Variants in FAM219A observed in about 807,000 individuals in gnomAD.
FAM219A encodes the protein family with sequence similarity 219 member A.
FAM219A carries 7 observed loss-of-function variants against 23.4 expected under a neutral mutation model. That is an observed-to-expected ratio of 0.30 (90% CI 0.17 to 0.56). FAM219A has a LOEUF of 0.56. Ranked by LOEUF, FAM219A falls within the 20% of genes least tolerant of loss-of-function variation. The pLI, the probability that FAM219A is intolerant of heterozygous loss-of-function variation, is 0.92. For synonymous variants in FAM219A, 93 were observed against 99.0 expected (o/e 0.94, Z 0.36); for missense variants, 166 against 246.9 (o/e 0.67, Z 2.20).
chr9:34,454,588 C>G (rs1265324199), intron 1 of FAM219A, among the ~76,000 whole-genome samples: 3 of 152,140 alleles, frequency 2.0e-5, no homozygotes, highest in South Asian at 4.2e-4. Flanking sequence ...CAGGCAAACT[C>G]CCACCAGAGA....
intron 2 of FAM219A, among the ~76,000 whole-genome samples, chr9:34,403,678 G>C (rs1264063966): frequency 1.3e-5 from 2 of 152,200 alleles, no homozygotes; most frequent in Non-Finnish European, 2.9e-5. Flanking sequence ...GGTCTTGGAG[G>C]AGTCCCATCT....
chr9:34,407,619 G>C (rs1821684782), intron 1 of FAM219A, among the ~76,000 whole-genome samples: 1 of 152,214 alleles, frequency 6.6e-6, no homozygotes, highest in Non-Finnish European at 1.5e-5. Context: ...TGGAGTTAAA[G>C]ACAGGCCCTC....
At chr9:34,431,018 T>C (rs1463822268) in intron 1 of FAM219A, among the ~76,000 whole-genome samples, 2 of 152,182 alleles carry the variant, frequency 1.3e-5, no homozygotes, top group Non-Finnish European at 2.9e-5. Context: ...AATGCCTATC[T>C]TAAATGCCAC....
intron 1 of FAM219A, among the ~76,000 whole-genome samples, chr9:34,446,807 T>C (rs1823393124): frequency 6.6e-6 from 1 of 152,256 alleles, no homozygotes; most frequent in South Asian, 2.1e-4. Flanking sequence ...CCTTTCATTA[T>C]TCTAGTCACC....
At chr9:34,453,347 C>A (rs969707479) in intron 1 of FAM219A, among the ~76,000 whole-genome samples, 7 of 152,194 alleles carry the variant, frequency 4.6e-5, no homozygotes, top group African/African-American at 1.7e-4. Flanking sequence ...CCCATCCATC[C>A]CTGAGTGTCA....
chr9:34,430,846 T>TAAC (rs56402341), intron 1 of FAM219A, among the ~76,000 whole-genome samples: 149 of 150,378 alleles, frequency 9.9e-4, no homozygotes, highest in Non-Finnish European at 1.1e-3. Flanking sequence ...TGTCTCCAAA[T>TAAC]AACAACAACA....
intron 1 of FAM219A, among the ~76,000 whole-genome samples, chr9:34,426,360 A>G (rs1822471714): frequency 6.6e-6 from 1 of 152,180 alleles, no homozygotes; most frequent in Non-Finnish European, 1.5e-5. Flanking sequence ...TAGATAGGAG[A>G]AATGATGGTA....
rs1822907626 is a variant in FAM219A, at chr9:34,436,173, C to A, written c.60+22031G>T. Among the ~76,000 whole-genome samples the A allele has an allele frequency of 3.3e-5, 5 of 151,598 alleles. No individual in the cohort carries two copies. The South Asian group carries it at 1.0e-3, about 31-fold the overall frequency. On this transcript the variant is annotated intron_variant, in intron 1 of 5. Transcript: ENST00000651358. ...CAGCTACTAATAACTATTATAATAT[C>A]TATTATAACTATTATAATGTTATTA...
intron 1 of FAM219A, among the ~76,000 whole-genome samples, chr9:34,407,491 T>C (rs1435675915): frequency 6.6e-6 from 1 of 152,148 alleles, no homozygotes; most frequent in African/African-American, 2.4e-5. Context: ...CCCATTCTTT[T>C]TAAAAATGAG....
intron 1 of FAM219A, among the ~76,000 whole-genome samples, chr9:34,409,382 C>T (rs10972096): frequency 0.12 from 18,973 of 152,154 alleles, 1,565 homozygotes; most frequent in Non-Finnish European, 0.18. Context: ...GAAAAGACTC[C>T]AGGCAGAAGG....
At chr9:34,405,747 G>A in intron 2 of FAM219A, 118 bp downstream of exon 2, 2 of 996,190 alleles carry the variant, frequency 2.0e-6, no homozygotes, top group Non-Finnish European at 3.0e-6. Context: ...ATGACTTGAA[G>A]GCTTGAGTCT....
chr9:34,414,222 C>G (rs1420207864), intron 1 of FAM219A, among the ~76,000 whole-genome samples: 1 of 152,212 alleles, frequency 6.6e-6, no homozygotes, highest in Non-Finnish European at 1.5e-5. Context: ...TGACTCCACA[C>G]CTCAACATAT....
chr9:34,398,302 C>T lies in FAM219A; in HGVS notation c.*2662G>A, dbSNP rs189297139. On this transcript the variant is annotated 3_prime_UTR_variant, in exon 6 of 6. Coordinates refer to ENST00000651358, the MANE Select transcript of FAM219A (RefSeq NM_001184940.2). ...TATTATACACGGCTCATGTCTTCCA[C>T]ACACCTTCCTGGAAATAAATTAGTG... 103 of 1,550,884 alleles carry T rather than the reference C, an allele frequency of 6.6e-5. No homozygotes were observed. The Admixed American group carries it at 1.9e-3, about 29-fold the overall frequency.
chr9:34,405,491 C>A (rs1036541384), intron 2 of FAM219A, among the ~76,000 whole-genome samples: 1 of 152,178 alleles, frequency 6.6e-6, no homozygotes, highest in African/African-American at 2.4e-5. Flanking sequence ...AACTCTCTTT[C>A]CTTTCTATCC....
intron 1 of FAM219A, among the ~76,000 whole-genome samples, chr9:34,419,186 A>G (rs1302416334): frequency 6.6e-6 from 1 of 152,154 alleles, no homozygotes; most frequent in East Asian, 1.9e-4. Flanking sequence ...GAGAAGCAGG[A>G]CCTAGGCAGC....
chr9:34,452,534 G>A (rs570371173), intron 1 of FAM219A, among the ~76,000 whole-genome samples: 4 of 152,038 alleles, frequency 2.6e-5, no homozygotes, highest in Non-Finnish European at 4.4e-5. Flanking sequence ...CTGTCCCATC[G>A]TGTTTCTCTG....
intron 1 of FAM219A, among the ~76,000 whole-genome samples, chr9:34,441,545 T>C (rs975892930): frequency 1.3e-5 from 2 of 151,980 alleles, no homozygotes. Context: ...AGAGCAGTGG[T>C]GGAAGAAGCA....
chr9:34,424,565 G>C (rs1255180373), intron 1 of FAM219A, among the ~76,000 whole-genome samples: 1 of 152,180 alleles, frequency 6.6e-6, no homozygotes, highest in Non-Finnish European at 1.5e-5. Flanking sequence ...CCCTGACTTA[G>C]TTTTGGCCTA....
chr9:34,398,525 GC>G lies in FAM219A; in HGVS notation c.*2438del. 1.4e-6 allele frequency: 1 copy of G among 710,212 alleles called. No individual in the cohort carries two copies. Among genetic ancestry groups the G allele is most frequent in the Non-Finnish European group, 2.3e-6 (1 of 427,152 alleles). The allele number at this position is 710,212 out of a possible 1,614,324, so 44.0% of individuals were successfully genotyped here. On this transcript the variant is annotated 3_prime_UTR_variant, in exon 6 of 6. Coordinates refer to ENST00000651358, the MANE Select transcript of FAM219A (RefSeq NM_001184940.2). Reference sequence around the variant, plus strand: ...CACTGCCAGCTTCCTGCCTCTCTCTGCCACACATGCACTGCCTCAGTTGGAA... The same window carrying G: ...CACTGCCAGCTTCCTGCCTCTCTCTGCACACATGCACTGCCTCAGTTGGAA...
Sources: gnomAD v4.1 joint callset for allele counts (sites outside exome capture counted in the v4.1 genomes callset) on GRCh38, gnomAD v4.1.1 for gene constraint, MANE v1.5 for transcripts, NCBI Gene and HGNC (gene_info 2026-07-23, HGNC 2026-07-21) for gene names.